Variants in FAM120AOS observed in about 807,000 individuals in gnomAD.
FAM120AOS encodes family with sequence similarity 120 member A opposite strand.
A neutral mutation model predicts 20.2 loss-of-function variants in FAM120AOS; 15 were observed. That is an observed-to-expected ratio of 0.74 (90% CI 0.50 to 1.15). The LOEUF (loss-of-function observed/expected upper bound fraction) is 1.15, where lower values mean the gene tolerates loss of function less well. FAM120AOS is among the 50% of genes most tolerant of loss of function. The pLI, the probability that FAM120AOS is intolerant of heterozygous loss-of-function variation, is 0.00. For synonymous variants in FAM120AOS, 154 were observed against 154.0 expected (o/e 1.00, Z 0.00); for missense variants, 327 against 351.9 (o/e 0.93, Z 0.57).
Position 93,447,649 on chromosome 9 carries a change from T to C in FAM120AOS, c.733A>G (p.Lys245Glu), listed in dbSNP as rs1856900742. ...AAGAATGATCTTAGTGTTGGTGGTT[T>C]TGTGGTTTTCTTTGAGACTTTGTTA... ...VNNKVSKKTT[K>E]PPTLRSFLSP... Residue 245 changes from lysine to glutamate, a missense_variant, in exon 3 of 3, where the codon AAA becomes GAA. Physicochemically the swap from Lys to Glu is moderately conservative, Grantham distance 56 (BLOSUM62 1). Coordinates refer to ENST00000375412, the MANE Select transcript of FAM120AOS (RefSeq NM_198841.4). 1 of 1,614,152 alleles carries C rather than the reference T, an allele frequency of 6.2e-7. No homozygotes were observed. Among genetic ancestry groups the C allele is most frequent in the Admixed American group, 1.7e-5 (1 of 60,012 alleles).
In FAM120AOS at chr9:93,444,612, T is replaced by C. The variant is rs999114670; in HGVS notation, c.*2999A>G. The stretch of plus-strand genomic sequence containing the variant: ...ATGTTTTGAGGCCAGTAAGGAGTTC[T>C]GCTTTTTTTTTTTTTTCCTGAGACG... On this transcript the variant is annotated 3_prime_UTR_variant, in exon 3 of 3. Coordinates refer to ENST00000375412, the MANE Select transcript of FAM120AOS (RefSeq NM_198841.4). Among the ~76,000 whole-genome samples, 1 of 149,972 alleles carries C rather than the reference T, an allele frequency of 6.7e-6. No homozygotes were observed. Among genetic ancestry groups the C allele is most frequent in the African/African-American group, 2.4e-5 (1 of 40,962 alleles).
Position 93,451,520 on chromosome 9 carries a change from G to C in FAM120AOS, c.563+627C>G, listed in dbSNP as rs534020092. ...CCGGATCCCGTCCCGGCCCAACTCC[G>C]GGCCTCCGCCTCCGCCGCCGCCTCC... On this transcript the variant is annotated intron_variant, in intron 1 of 2. Coordinates refer to ENST00000375412, the MANE Select transcript of FAM120AOS (RefSeq NM_198841.4). 3.2e-5 allele frequency: 32 copies of C among 998,058 alleles called. No individual in the cohort carries two copies. In the Admixed American group the frequency reaches 5.4e-4, roughly 17 times the overall value. The allele number at this position is 998,058 out of a possible 1,614,324, so 61.8% of individuals were successfully genotyped here.
Position 93,445,427 on chromosome 9 carries a change from C to A in FAM120AOS, c.*2184G>T, listed in dbSNP as rs1856814004. Among the ~76,000 whole-genome samples the A allele has an allele frequency of 6.6e-6, 1 of 152,082 alleles. No individual in the cohort carries two copies. Among genetic ancestry groups the A allele is most frequent in the Non-Finnish European group, 1.5e-5 (1 of 67,998 alleles). Reference sequence around the variant, plus strand: ...GTACCTAAGTTTGGTCCATTCTACTCTTTTTCATGACTTTGAATCTTGAGC... The same window carrying A: ...GTACCTAAGTTTGGTCCATTCTACTATTTTTCATGACTTTGAATCTTGAGC... On this transcript the variant is annotated 3_prime_UTR_variant, in exon 3 of 3. Transcript: ENST00000375412.
At position 93,452,051 on chromosome 9, in the gene FAM120AOS, C is replaced by T. The variant is rs1441338209; in HGVS notation, c.563+96G>A. ...GCGGCCCCCGCAGACCCCGCTGCGC[C>T]TGCTGGTGGACGCCGACAACTGCCT... On this transcript the variant is annotated intron_variant, in intron 1 of 2. Transcript: ENST00000375412. The surrounding 1 kb of genome is among the most constrained non-coding windows in gnomAD (Gnocchi z 7.0). The T allele has an allele frequency of 1.3e-6, 2 of 1,584,734 alleles. No homozygotes were observed. The highest frequency in any genetic ancestry group is 1.7e-6 in the Non-Finnish European group (2 of 1,166,228).
rs183079143 is a variant in FAM120AOS at position 93,453,238 on chromosome 9, C to G, written c.-529G>C. 5.7e-4 allele frequency: 567 copies of G among 994,396 alleles called. 4 individuals are homozygous for G. In the African/African-American group the frequency reaches 9.0e-3, roughly 16 times the overall value. The allele number at this position is 994,396 out of a possible 1,614,324, so 61.6% of individuals were successfully genotyped here. ...AAGTATTCAGTGACCTTCAGCGGTG[C>G]CCTGACGGGTGGGTAATCAGAGCTC... is the stretch of plus-strand genomic sequence containing the variant. On this transcript the variant is annotated 5_prime_UTR_variant, in exon 1 of 3. Transcript: ENST00000375412.
At chr9:93,447,739 A>G in intron 2 of FAM120AOS, 42 bp from the exon 3 acceptor site, 2 of 1,534,000 alleles carry the variant, frequency 1.3e-6, no homozygotes, top group South Asian at 2.2e-5. Flanking sequence ...ATTAGTTTGG[A>G]ATATGAAATG....
chr9:93,447,841 T>C (rs746993967), intron 2 of FAM120AOS, 144 bp from the exon 3 acceptor site: 11 of 704,442 alleles, frequency 1.6e-5, no homozygotes, highest in Admixed American at 8.8e-5. Context: ...ACTGGAGAGA[T>C]AGCAGAGCCT....
rs866283291 is a variant in FAM120AOS at position 93,446,745 on chromosome 9, T to G, written c.*866A>C. 1 of 152,134 alleles carries G rather than the reference T, an allele frequency of 6.6e-6. No homozygotes were observed. Among genetic ancestry groups the G allele is most frequent in the African/African-American group, 2.4e-5 (1 of 41,430 alleles). 9.4% of individuals were successfully genotyped at this position (152,134 alleles called of 1,614,324 possible). On this transcript the variant is annotated 3_prime_UTR_variant, in exon 3 of 3. Coordinates refer to ENST00000375412, the MANE Select transcript of FAM120AOS (RefSeq NM_198841.4). ...ATAGCACTCATCTGAAGGCCCTCCATGAGAACAACTCTTCTCTTCCACATA... is the reference window on the plus strand; with the variant it reads ...ATAGCACTCATCTGAAGGCCCTCCAGGAGAACAACTCTTCTCTTCCACATA...
intron 2 of FAM120AOS, among the ~76,000 whole-genome samples, chr9:93,450,173 G>A (rs1230271586): frequency 6.6e-6 from 1 of 152,042 alleles, no homozygotes; most frequent in Non-Finnish European, 1.5e-5. Flanking sequence ...ATTTTTAGTA[G>A]AGACGGGGTT....
At chr9:93,449,649 G>A (rs144587177) in intron 2 of FAM120AOS, among the ~76,000 whole-genome samples, 2 of 151,588 alleles carry the variant, frequency 1.3e-5, no homozygotes, top group Non-Finnish European at 2.9e-5. Context: ...CACCACGCTC[G>A]GCTAATTTTT....
chr9:93,451,837 C>A, intron 1 of FAM120AOS: 3 of 967,786 alleles, frequency 3.1e-6, no homozygotes, highest in Non-Finnish European at 3.7e-6. Context: ...GCCCGCCAGC[C>A]CGCCCGCGCG....
chr9:93,450,146 G>A (rs1013830026), intron 2 of FAM120AOS, among the ~76,000 whole-genome samples: 4 of 151,912 alleles, frequency 2.6e-5, no homozygotes, highest in Admixed American at 1.3e-4. Context: ...ACACCACCAG[G>A]CCCGCCTAAT....
chr9:93,451,714 G>A (rs1197525271), intron 1 of FAM120AOS: 1 of 983,010 alleles, frequency 1.0e-6, no homozygotes, highest in Non-Finnish European at 1.2e-6. Context: ...CAGCGGCGGC[G>A]GCGGCAGGTC....
rs1856853017 is a variant in FAM120AOS, at chr9:93,446,636, C to A, written c.*975G>T. 6.6e-6 allele frequency: 1 copy of A among 152,162 alleles called. No individual in the cohort carries two copies. Among genetic ancestry groups the A allele is most frequent in the Non-Finnish European group, 1.5e-5 (1 of 68,056 alleles). 9.4% of individuals were successfully genotyped at this position (152,162 alleles called of 1,614,324 possible). A position where few individuals can be genotyped will look rare whatever the true frequency, so the allele number is the denominator to read the frequency against. On this transcript the variant is annotated 3_prime_UTR_variant, in exon 3 of 3. Transcript: ENST00000375412. Reference sequence around the variant, plus strand: ...ACTGAGTACTGTCTTTCAAAGCAGTCCCTGTCAGTTTGTCCATTGATTCCA... The same window carrying A: ...ACTGAGTACTGTCTTTCAAAGCAGTACCTGTCAGTTTGTCCATTGATTCCA...
Position 93,444,137 on chromosome 9 carries a change from T to C in FAM120AOS, c.*3474A>G, listed in dbSNP as rs549539932. Among the ~76,000 whole-genome samples, 26 of 152,062 alleles carry C rather than the reference T, an allele frequency of 1.7e-4. No homozygotes were observed. The East Asian group carries it at 4.7e-3, about 27-fold the overall frequency. ...CTCACTGCAACCTCCACCTCCCAGG[T>C]TCAAGCGATTCTCCTGCCTCAGCCT... On this transcript the variant is annotated 3_prime_UTR_variant, in exon 3 of 3. Coordinates refer to ENST00000375412, the MANE Select transcript of FAM120AOS (RefSeq NM_198841.4).
rs1030247309 is a variant in FAM120AOS, at chr9:93,453,539, G to A, written c.-830C>T. On this transcript the variant is annotated 5_prime_UTR_variant, in exon 1 of 3. Transcript: ENST00000375412. Reference sequence around the variant, plus strand: ...AAAGTTTGTGAAATTCTGTCTTCGCGGTTGCCCCCACTGCCCGCGAGGAGA... The same window carrying A: ...AAAGTTTGTGAAATTCTGTCTTCGCAGTTGCCCCCACTGCCCGCGAGGAGA... The A allele has an allele frequency of 2.0e-6, 2 of 985,396 alleles. No homozygotes were observed. The highest frequency in any genetic ancestry group is 2.3e-4 in the East Asian group (2 of 8,810). 61.0% of individuals were successfully genotyped at this position (985,396 alleles called of 1,614,324 possible).
At position 93,452,030 on chromosome 9, in the gene FAM120AOS, C is replaced by T. The variant is rs1458344217; in HGVS notation, c.563+117G>A. 5 of 1,563,594 alleles carry T rather than the reference C, an allele frequency of 3.2e-6. No individual in the cohort carries two copies. The highest frequency in any genetic ancestry group is 2.4e-5 in the East Asian group (1 of 42,432). ...CCTGGTGGGCGGCGGGCGGCAGCGG[C>T]CCCCGCAGACCCCGCTGCGCCTGCT... On this transcript the variant is annotated intron_variant, in intron 1 of 2. Transcript: ENST00000375412. The surrounding 1 kb of genome is among the most constrained non-coding windows in gnomAD (Gnocchi z 7.0).
intron 1 of FAM120AOS, chr9:93,451,528 G>C (rs1001798331): frequency 1.1e-5 from 11 of 992,028 alleles, no homozygotes; most frequent in African/African-American, 1.7e-5. Context: ...CCGGGCCTCC[G>C]CCTCCGCCGC....
chr9:93,450,526 G>A lies in FAM120AOS; in HGVS notation c.637C>T (p.His213Tyr), dbSNP rs1003403843. The change falls in exon 2 of 3, where the codon CAC (histidine) becomes TAC (tyrosine). Residue 213 changes from histidine to tyrosine, a missense_variant. Physicochemically the swap from His to Tyr is moderately conservative, Grantham distance 83. Around this residue, in one of 3 missense-constraint regions of FAM120AOS, gnomAD observed 86 missense variants for 82.9 expected, o/e 1.04. Coordinates refer to ENST00000375412, the MANE Select transcript of FAM120AOS (RefSeq NM_198841.4). Reference protein sequence around the residue: ...GQLLPSTWSLHAHGLAKEAPI... With the variant: ...GQLLPSTWSLYAHGLAKEAPI... Reference sequence around the variant, plus strand: ...GCTTCTTTGGCCAAACCGTGCGCGTGCAGGCTCCATGTGCTGGGCAGCAGC... The same window carrying A: ...GCTTCTTTGGCCAAACCGTGCGCGTACAGGCTCCATGTGCTGGGCAGCAGC... The A allele has an allele frequency of 6.2e-6, 10 of 1,603,596 alleles. No homozygotes were observed. In the South Asian group the frequency reaches 1.0e-4, roughly 16 times the overall value.
Sources: allele counts gnomAD v4.1 joint callset (sites outside exome capture counted in the v4.1 genomes callset), GRCh38; gene constraint gnomAD v4.1.1; regional missense constraint gnomAD v4.1.1; non-coding constraint Gnocchi (gnomAD v3.1); transcripts MANE v1.5; gene names NCBI Gene and HGNC (gene_info 2026-07-23, HGNC 2026-07-21).